GPC6: variants seen among roughly 807,000 people sequenced by gnomAD.
GPC6 encodes the protein glypican 6.
Under a neutral mutation model 55.2 loss-of-function variants are expected in GPC6, and 14 were observed. The observed-to-expected ratio is 0.25, with a 90% CI of 0.17 to 0.40. The LOEUF is 0.40. GPC6 is among the 10% of genes least tolerant of loss of function. The probability of loss-of-function intolerance (pLI) is 1.00; values close to 1 mark genes in which losing one functional copy is unlikely to be tolerated. For missense variants in GPC6, 641 were observed against 708.5 expected (o/e 0.90, Z 1.08); for synonymous variants, 278 against 259.6 (o/e 1.07, Z -0.68).
At chr13:93,291,664 T>G (rs1403586410) in intron 1 of GPC6, among the ~76,000 whole-genome samples, 5 of 152,316 alleles carry the variant, frequency 3.3e-5, no homozygotes, top group African/African-American at 1.2e-4. Flanking sequence ...TCTGTTCACC[T>G]GTCATTTCAT....
chr13:93,945,820 A>G (rs1878981727), intron 3 of GPC6, among the ~76,000 whole-genome samples: 1 of 152,154 alleles, frequency 6.6e-6, no homozygotes, highest in Non-Finnish European at 1.5e-5. Flanking sequence ...TTGACAAATG[A>G]ATGTAGTTCC....
chr13:93,331,552 T>G (rs1180708833), intron 1 of GPC6, among the ~76,000 whole-genome samples: 1 of 152,296 alleles, frequency 6.6e-6, no homozygotes, highest in Admixed American at 6.5e-5. Context: ...TATAAGCATA[T>G]GCATATCTGG....
intron 1 of GPC6, among the ~76,000 whole-genome samples, chr13:93,296,395 T>C (rs1264336967): frequency 6.6e-6 from 1 of 152,218 alleles, no homozygotes; most frequent in Non-Finnish European, 1.5e-5. Flanking sequence ...TTAATTTATC[T>C]TCTTTTAATA....
intron 4 of GPC6, among the ~76,000 whole-genome samples, chr13:94,086,469 T>A (rs1227190986): frequency 1.9e-5 from 1 of 53,336 alleles, no homozygotes; most frequent in African/African-American, 5.3e-5. Context: ...ATTAATTTTG[T>A]ACATGACTAA....
intron 1 of GPC6, among the ~76,000 whole-genome samples, chr13:93,265,435 C>T (rs1467920687): frequency 3.3e-5 from 5 of 152,240 alleles, no homozygotes; most frequent in Admixed American, 2.0e-4. Flanking sequence ...ATTGGATTTC[C>T]GATGGCTCAG....
At position 93,715,566 on chromosome 13, in the gene GPC6, G is replaced by A. The variant is rs76983738; in HGVS notation, c.320-114588G>A. Among the ~76,000 whole-genome samples the A allele has an allele frequency of 2.8e-4, 42 of 151,618 alleles. No individual in the cohort carries two copies. The East Asian group carries it at 5.3e-3, about 19-fold the overall frequency. ...GATCATTCATACCCCAAACTTCAGCGTCACACAGTATAACCAGGTAACAAA... is the reference window on the plus strand; with the variant it reads ...GATCATTCATACCCCAAACTTCAGCATCACACAGTATAACCAGGTAACAAA... On this transcript the variant is annotated intron_variant, in intron 2 of 8. Coordinates refer to ENST00000377047, the MANE Select transcript of GPC6 (RefSeq NM_005708.5).
intron 3 of GPC6, among the ~76,000 whole-genome samples, chr13:93,935,270 T>G (rs536395946): frequency 6.6e-6 from 1 of 152,234 alleles, no homozygotes; most frequent in East Asian, 1.9e-4. Flanking sequence ...CCTCCCATCC[T>G]CCCCACTTTT....
At chr13:93,498,207 A>G (rs1566389596) in intron 1 of GPC6, among the ~76,000 whole-genome samples, 1 of 152,174 alleles carries the variant, frequency 6.6e-6, no homozygotes, top group East Asian at 1.9e-4. Context: ...CTGTGCAGCT[A>G]ATGATCAAAT....
At chr13:94,369,621 C>T (rs1241399114) in intron 6 of GPC6, among the ~76,000 whole-genome samples, 2 of 152,094 alleles carry the variant, frequency 1.3e-5, no homozygotes, top group African/African-American at 4.8e-5. Context: ...TTTCCTTAAG[C>T]CAAGGTTTTT....
At chr13:93,613,205 A>G (rs1028835404) in intron 2 of GPC6, among the ~76,000 whole-genome samples, 2 of 152,170 alleles carry the variant, frequency 1.3e-5, no homozygotes, top group Non-Finnish European at 2.9e-5. Context: ...AACCAATGCC[A>G]CTAGTCTCTG....
At chr13:93,410,748 AGTTTCTGGC>A (rs1876466916) in intron 1 of GPC6, among the ~76,000 whole-genome samples, 1 of 152,178 alleles carries the variant, frequency 6.6e-6, no homozygotes, top group Admixed American at 6.5e-5. Flanking sequence ...ATAGTCTTTG[AGTTTCTGGC>A]TCATAATGTA....
intron 1 of GPC6, among the ~76,000 whole-genome samples, chr13:93,247,981 T>A (rs1022186436): frequency 1.3e-5 from 2 of 152,230 alleles, no homozygotes; most frequent in Admixed American, 6.5e-5. Context: ...TCCATTTTGT[T>A]GTTAACACAA....
At chr13:94,073,382 G>T (rs923435442) in intron 4 of GPC6, among the ~76,000 whole-genome samples, 1 of 152,106 alleles carries the variant, frequency 6.6e-6, no homozygotes, top group Non-Finnish European at 1.5e-5. Flanking sequence ...ATACTTTCAA[G>T]ATTTTGCAGT....
chr13:93,836,336 A>G (rs1352934658), intron 3 of GPC6, among the ~76,000 whole-genome samples: 2 of 152,222 alleles, frequency 1.3e-5, no homozygotes, highest in African/African-American at 4.8e-5. Context: ...TATTCTATTT[A>G]GCGTTTGCTT....
intron 4 of GPC6, among the ~76,000 whole-genome samples, chr13:94,128,959 T>C (rs966084751): frequency 6.6e-6 from 1 of 152,142 alleles, no homozygotes. Context: ...TAAGCATTTT[T>C]CTGAAATTCA....
intron 1 of GPC6, among the ~76,000 whole-genome samples, chr13:93,414,217 G>C (rs1876610446): frequency 6.6e-6 from 1 of 152,052 alleles, no homozygotes; most frequent in East Asian, 1.9e-4. Context: ...GTGTTTTTCA[G>C]TCGAGGTGGT....
intron 4 of GPC6, among the ~76,000 whole-genome samples, chr13:94,039,304 C>T (rs913779500): frequency 4.6e-5 from 7 of 151,784 alleles, no homozygotes; most frequent in Admixed American, 3.9e-4. Context: ...AGTAATCTGG[C>T]AGCTAAGTAA....
At chr13:94,176,752 G>T (rs1888788981) in intron 4 of GPC6, among the ~76,000 whole-genome samples, 1 of 152,098 alleles carries the variant, frequency 6.6e-6, no homozygotes, top group Non-Finnish European at 1.5e-5. Context: ...AAAACAGGAA[G>T]AAAAGCAAAA....
At chr13:93,801,364 G>A (rs1448757744) in intron 2 of GPC6, among the ~76,000 whole-genome samples, 1 of 152,204 alleles carries the variant, frequency 6.6e-6, no homozygotes, top group Non-Finnish European at 1.5e-5. Context: ...AAAAGGTGTA[G>A]AATGGTCATA....
Sources: gnomAD v4.1 joint callset for allele counts (sites outside exome capture counted in the v4.1 genomes callset) on GRCh38, gnomAD v4.1.1 for gene constraint, MANE v1.5 for transcripts, NCBI Gene and HGNC (gene_info 2026-07-23, HGNC 2026-07-21) for gene names.